Variants in SYNPR observed in about 807,000 individuals in gnomAD.
SYNPR encodes the protein synaptoporin.
SYNPR carries 23 observed loss-of-function variants against 32.9 expected under a neutral mutation model. The ratio of observed to expected loss-of-function variants is 0.70; its 90% confidence interval spans 0.50 to 0.99. The LOEUF is 0.99. Ranked by LOEUF, SYNPR falls within the 50% of genes least tolerant of loss-of-function variation. The pLI, the probability that SYNPR is intolerant of heterozygous loss-of-function variation, is 0.00. For missense variants in SYNPR, 318 were observed against 349.3 expected (o/e 0.91, Z 0.71); for synonymous variants, 146 against 135.9 (o/e 1.07, Z -0.52).
intron 3 of SYNPR, among the ~76,000 whole-genome samples, chr3:63,484,107 T>G (rs1701098706): frequency 6.6e-6 from 1 of 152,190 alleles, no homozygotes; most frequent in Non-Finnish European, 1.5e-5. Flanking sequence ...ATAATGTGCT[T>G]CTTCTAATAA....
the SYNPR span, among the ~76,000 whole-genome samples, chr3:63,204,168 T>C: frequency 1.3e-5 from 2 of 152,100 alleles, no homozygotes; most frequent in African/African-American, 2.4e-5. Context: ...CTATAACAAA[T>C]TGCCACAAAC....
intron 4 of SYNPR, among the ~76,000 whole-genome samples, chr3:63,601,800 C>T (rs1700048829): frequency 1.3e-5 from 2 of 152,098 alleles, no homozygotes; most frequent in Admixed American, 6.6e-5. Context: ...CATACACATA[C>T]ATGTGTCCTT....
chr3:63,374,917 G>A (rs1575615045), intron 2 of SYNPR, among the ~76,000 whole-genome samples: 3 of 152,224 alleles, frequency 2.0e-5, no homozygotes, highest in South Asian at 2.1e-4. Context: ...TATTTCTGAG[G>A]CCTCTGTTCT....
chr3:63,583,317 G>A (rs1367078654), intron 4 of SYNPR, among the ~76,000 whole-genome samples: 1 of 152,054 alleles, frequency 6.6e-6, no homozygotes, highest in Non-Finnish European at 1.5e-5. Context: ...TAGGCCATGT[G>A]GACATATATG....
chr3:63,365,057 T>C (rs1386235677), intron 2 of SYNPR, among the ~76,000 whole-genome samples: 3 of 152,134 alleles, frequency 2.0e-5, no homozygotes, highest in Non-Finnish European at 2.9e-5. Context: ...AAGGGAGTGA[T>C]CACTTATGAT....
intron 5 of SYNPR, among the ~76,000 whole-genome samples, chr3:63,609,676 G>A (rs13094073): frequency 0.25 from 37,964 of 152,074 alleles, 5,200 homozygotes; most frequent in Middle Eastern, 0.37. Context: ...GGAGGCCAAG[G>A]TGGGAGGATC....
intron 2 of SYNPR, among the ~76,000 whole-genome samples, chr3:63,337,001 G>A (rs1213186774): frequency 6.6e-6 from 1 of 152,038 alleles, no homozygotes; most frequent in Non-Finnish European, 1.5e-5. Flanking sequence ...GAAGGTCCAG[G>A]TGGGCAGATC....
intron 4 of SYNPR, among the ~76,000 whole-genome samples, chr3:63,589,134 T>C (rs941950788): frequency 6.6e-6 from 1 of 152,098 alleles, no homozygotes; most frequent in East Asian, 1.9e-4. Flanking sequence ...CATTTTGTGT[T>C]GTATTCATTA....
chr3:63,470,629 G>T (rs1700778934), intron 2 of SYNPR, among the ~76,000 whole-genome samples: 1 of 152,088 alleles, frequency 6.6e-6, no homozygotes, highest in South Asian at 2.1e-4. Context: ...TTTTATTTCT[G>T]CCAGCTTTCT....
intron 1 of SYNPR, among the ~76,000 whole-genome samples, chr3:63,244,844 C>T (rs2086272938): frequency 6.6e-6 from 1 of 152,074 alleles, no homozygotes; most frequent in African/African-American, 2.4e-5. Flanking sequence ...TAAGTAAAAT[C>T]ACTTAGGCAG....
intron 4 of SYNPR, among the ~76,000 whole-genome samples, chr3:63,596,246 C>T (rs1699957617): frequency 6.6e-6 from 1 of 150,490 alleles, no homozygotes; most frequent in South Asian, 2.1e-4. Context: ...TCTCCTCATC[C>T]TCAATTCCTT....
At chr3:63,478,067 A>G (rs1176608679) in intron 2 of SYNPR, among the ~76,000 whole-genome samples, 1 of 152,222 alleles carries the variant, frequency 6.6e-6, no homozygotes, top group East Asian at 1.9e-4. Context: ...CATAGGTATC[A>G]TATTTAACTC....
chr3:63,304,878 A>G (rs1361887955), intron 2 of SYNPR, among the ~76,000 whole-genome samples: 1 of 151,992 alleles, frequency 6.6e-6, no homozygotes, highest in African/African-American at 2.4e-5. Flanking sequence ...GCAAACCTAA[A>G]AGATTTTCTA....
chr3:63,609,439 G>A, intron 5 of SYNPR, 123 bp downstream of exon 5: 10 of 787,728 alleles, frequency 1.3e-5, no homozygotes, highest in Non-Finnish European at 1.3e-5. Flanking sequence ...ATCAAAAGGT[G>A]AGATACTTCA....
intron 2 of SYNPR, among the ~76,000 whole-genome samples, chr3:63,298,900 T>C (rs998466684): frequency 6.6e-6 from 1 of 152,146 alleles, no homozygotes; most frequent in Non-Finnish European, 1.5e-5. Flanking sequence ...TGCCCCTGTT[T>C]GCAAAAGAAG....
At chr3:63,512,243 C>A (rs961533758) in intron 3 of SYNPR, among the ~76,000 whole-genome samples, 1 of 152,076 alleles carries the variant, frequency 6.6e-6, no homozygotes, top group African/African-American at 2.4e-5. Context: ...TTTGGCACTG[C>A]CTCTTTCTGT....
At chr3:63,408,004 A>T (rs1010666022) in intron 2 of SYNPR, among the ~76,000 whole-genome samples, 3 of 151,840 alleles carry the variant, frequency 2.0e-5, no homozygotes, top group Admixed American at 2.0e-4. Flanking sequence ...TTAGAAAACT[A>T]GCTAGCATGG....
chr3:63,421,269 C>G (rs957907955), intron 2 of SYNPR, among the ~76,000 whole-genome samples: 2 of 151,856 alleles, frequency 1.3e-5, no homozygotes, highest in African/African-American at 4.8e-5. Flanking sequence ...CAGGAAACGT[C>G]AAATTAAAAT....
intron 2 of SYNPR, among the ~76,000 whole-genome samples, chr3:63,313,081 A>G (rs1030269052): frequency 6.6e-6 from 1 of 151,994 alleles, no homozygotes; most frequent in African/African-American, 2.4e-5. Flanking sequence ...CTCTATTTCA[A>G]TCACTCATCT....
Sources: allele counts gnomAD v4.1 joint callset (sites outside exome capture counted in the v4.1 genomes callset), GRCh38; gene constraint gnomAD v4.1.1; transcripts MANE v1.5; gene names NCBI Gene and HGNC (gene_info 2026-07-23, HGNC 2026-07-21).